Variants in FOXN2 observed in about 807,000 individuals in gnomAD.
FOXN2 encodes forkhead box N2, also known as forkhead box protein N2.
A neutral mutation model predicts 41.2 loss-of-function variants in FOXN2; 19 were observed. The observed-to-expected ratio is 0.46, with a 90% CI of 0.32 to 0.68. FOXN2 has a LOEUF of 0.68. Among genes scored for constraint, FOXN2 ranks in the 30% least tolerant of loss-of-function variants. The pLI is 0.03. For synonymous variants in FOXN2, 195 were observed against 176.8 expected (o/e 1.10, Z -0.82); for missense variants, 587 against 509.4 (o/e 1.15, Z -1.47).
At chr2:48,320,357 C>T (rs1669219483) in intron 1 of FOXN2, among the ~76,000 whole-genome samples, 1 of 151,560 alleles carries the variant, frequency 6.6e-6, no homozygotes, top group Admixed American at 6.6e-5. Context: ...GTGGCTCCAT[C>T]TCAGCTTACT....
intron 5 of FOXN2, 49 bp from the exon 6 acceptor site, chr2:48,373,242 AG>A (rs750932856): frequency 8.4e-6 from 11 of 1,302,558 alleles, no homozygotes; most frequent in Non-Finnish European, 1.2e-5. Context: ...TACTTAGAAT[AG>A]CCTCTCCTTT....
intron 1 of FOXN2, among the ~76,000 whole-genome samples, chr2:48,316,210 T>G (rs531292125): frequency 2.6e-5 from 4 of 152,302 alleles, no homozygotes; most frequent in Admixed American, 2.6e-4. Flanking sequence ...TACCTTGCAG[T>G]TCTCCTAAGG....
intron 2 of FOXN2, among the ~76,000 whole-genome samples, chr2:48,333,804 C>G (rs967846424): frequency 3.3e-5 from 5 of 152,132 alleles, no homozygotes; most frequent in African/African-American, 1.2e-4. Flanking sequence ...TTTACAGCCC[C>G]TCTTTACTGT....
chr2:48,345,842 A>G (rs183786926), intron 2 of FOXN2, among the ~76,000 whole-genome samples: 219 of 152,298 alleles, frequency 1.4e-3, no homozygotes, highest in Non-Finnish European at 2.4e-3. Context: ...ATAAAGTCTT[A>G]TAGTTCAAAG....
intron 4 of FOXN2, among the ~76,000 whole-genome samples, chr2:48,360,811 A>C (rs1218070268): frequency 6.8e-6 from 1 of 148,080 alleles, no homozygotes; most frequent in Admixed American, 6.7e-5. Flanking sequence ...TTTTTGCTGA[A>C]GATTAAGCCT....
rs143845354 is a variant in FOXN2 at position 48,338,551 on chromosome 2, G to A, written c.-14-7650G>A. On this transcript the variant is annotated intron_variant, in intron 2 of 6. Transcript: ENST00000340553. Reference sequence around the variant, plus strand: ...CCAGCAGCCGGGACCACAGCCGCTCGCCACCAGGCCCAGCTAATTTTCTGT... The same window carrying A: ...CCAGCAGCCGGGACCACAGCCGCTCACCACCAGGCCCAGCTAATTTTCTGT... Among the ~76,000 whole-genome samples the A allele has an allele frequency of 4.9e-4, 74 of 152,136 alleles. 1 individual carries two copies. The East Asian group carries it at 0.01, about 21-fold the overall frequency.
At chr2:48,357,743 A>G (rs1671897803) in intron 3 of FOXN2, among the ~76,000 whole-genome samples, 1 of 151,982 alleles carries the variant, frequency 6.6e-6, no homozygotes, top group African/African-American at 2.4e-5. Flanking sequence ...GCCTGGTGCT[A>G]ACATTTTTTT....
At chr2:48,367,595 G>A (rs1300521059) in intron 5 of FOXN2, among the ~76,000 whole-genome samples, 1 of 152,166 alleles carries the variant, frequency 6.6e-6, no homozygotes. Flanking sequence ...TTTTGATAGA[G>A]ACAATAAATC....
chr2:48,330,269 C>G, intron 2 of FOXN2, among the ~76,000 whole-genome samples: 1 of 151,822 alleles, frequency 6.6e-6, no homozygotes, highest in East Asian at 1.9e-4. Context: ...TGATTCATTC[C>G]TAAGAATATT....
At chr2:48,341,276 G>GA (rs1196340999) in intron 2 of FOXN2, among the ~76,000 whole-genome samples, 1 of 152,008 alleles carries the variant, frequency 6.6e-6, no homozygotes, top group African/African-American at 2.4e-5. Context: ...TTAAGATGTA[G>GA]TTTCTCATAA....
At chr2:48,369,757 G>T (rs1558640999) in intron 5 of FOXN2, among the ~76,000 whole-genome samples, 2 of 152,074 alleles carry the variant, frequency 1.3e-5, no homozygotes, top group Admixed American at 1.3e-4. Flanking sequence ...GCTCACACCT[G>T]TAATCCCAGC....
At chr2:48,373,193 C>T in intron 5 of FOXN2, 99 bp from the exon 6 acceptor site, 1 of 801,010 alleles carries the variant, frequency 1.2e-6, no homozygotes, top group Non-Finnish European at 2.1e-6. Flanking sequence ...AGAATATACA[C>T]CAAAATTGTA....
chr2:48,318,982 G>A (rs904514235), intron 1 of FOXN2, among the ~76,000 whole-genome samples: 4 of 152,098 alleles, frequency 2.6e-5, no homozygotes, highest in Non-Finnish European at 5.9e-5. Flanking sequence ...CACAGATAAT[G>A]GAAAATTACT....
chr2:48,335,973 A>G (rs760112336), intron 2 of FOXN2, among the ~76,000 whole-genome samples: 1 of 151,840 alleles, frequency 6.6e-6, no homozygotes, highest in African/African-American at 2.4e-5. Context: ...GCTTGCAGTG[A>G]GTGAACATCG....
chr2:48,340,814 A>G (rs115627526), intron 2 of FOXN2: 5 of 152,312 alleles, frequency 3.3e-5, no homozygotes, highest in Non-Finnish European at 5.9e-5. Flanking sequence ...CGATACTGCT[A>G]CTGCACAAAG....
At chr2:48,315,806 C>T (rs1007898670) in intron 1 of FOXN2, among the ~76,000 whole-genome samples, 2 of 152,214 alleles carry the variant, frequency 1.3e-5, no homozygotes, top group Non-Finnish European at 2.9e-5. Flanking sequence ...CCCACACTCT[C>T]GCAGTGTTCT....
chr2:48,351,636 C>G (rs1445699052), intron 3 of FOXN2, among the ~76,000 whole-genome samples: 1 of 152,112 alleles, frequency 6.6e-6, no homozygotes, highest in Non-Finnish European at 1.5e-5. Flanking sequence ...CCTAGATCCC[C>G]TCACATGCAC....
At chr2:48,330,086 C>G (rs1014319226) in intron 2 of FOXN2, among the ~76,000 whole-genome samples, 1 of 151,758 alleles carries the variant, frequency 6.6e-6, no homozygotes, top group South Asian at 2.1e-4. Flanking sequence ...AATTGTTTTC[C>G]TTTTTAAAAA....
At chr2:48,318,833 A>G (rs1479906572) in intron 1 of FOXN2, among the ~76,000 whole-genome samples, 1 of 152,222 alleles carries the variant, frequency 6.6e-6, no homozygotes, top group Non-Finnish European at 1.5e-5. Context: ...GATTTCGTTA[A>G]CAGTTTATAA....
Sources: gnomAD v4.1 joint callset for allele counts (sites outside exome capture counted in the v4.1 genomes callset) on GRCh38, gnomAD v4.1.1 for gene constraint, MANE v1.5 for transcripts, NCBI Gene and HGNC (gene_info 2026-07-23, HGNC 2026-07-21) for gene names.